Variants in CEP350 observed in about 807,000 individuals in gnomAD.
CEP350 encodes centrosome-associated protein 350.
In CEP350, 126 loss-of-function variants were observed where a neutral mutation model predicts 331.8. That is an observed-to-expected ratio of 0.38 (90% CI 0.33 to 0.44). The LOEUF is 0.44. CEP350 is among the 20% of genes least tolerant of loss of function. The pLI is 1.00. For synonymous variants in CEP350, 1,200 were observed against 1,259.5 expected, an observed-to-expected ratio of 0.95 and a Z score of 1.00; for missense variants, 3,406 against 3,634.6, an observed-to-expected ratio of 0.94 and a Z score of 1.62.
intron 4 of CEP350, among the ~76,000 whole-genome samples, chr1:179,991,667 A>ATGTGTGTGTGTGTGTGTG (rs751570955): frequency 3.3e-5 from 3 of 90,194 alleles, no homozygotes; most frequent in Non-Finnish European, 6.2e-5. Flanking sequence ...ATATATATAT[A>ATGTGTGTGTGTGTGTGTG]TGTGTGTGTG....
intron 26 of CEP350, among the ~76,000 whole-genome samples, chr1:180,064,295 C>T (rs1403557514): frequency 2.6e-5 from 4 of 152,110 alleles, no homozygotes; most frequent in Middle Eastern, 3.2e-3. Flanking sequence ...ATTGGATGCC[C>T]TCTTCATCCT....
At chr1:179,973,938 T>A (rs1239363050) in intron 1 of CEP350, among the ~76,000 whole-genome samples, 1 of 152,174 alleles carries the variant, frequency 6.6e-6, no homozygotes, top group Non-Finnish European at 1.5e-5. Flanking sequence ...CCTCTTCTGC[T>A]TCTGAGATCA....
intron 6 of CEP350, 86 bp from the exon 7 acceptor site, chr1:180,003,088 G>T: frequency 3.7e-6 from 3 of 806,330 alleles, no homozygotes; most frequent in South Asian, 1.8e-5. Context: ...TATGTATGTC[G>T]ATTATATATC....
intron 17 of CEP350, among the ~76,000 whole-genome samples, chr1:180,040,075 C>T (rs969262437): frequency 1.3e-5 from 2 of 151,504 alleles, no homozygotes; most frequent in African/African-American, 4.9e-5. Flanking sequence ...CCAAAAGACC[C>T]GTCAGACAGT....
Position 180,041,786 on chromosome 1 carries a change from C to G in CEP350, c.4346C>G (p.Ala1449Gly), listed in dbSNP as rs1207486369. Reference protein sequence around the residue: ...SETARLTTDAARQICEMAELT... With the variant: ...SETARLTTDAGRQICEMAELT... ...ACTGCTCGCCTCACCACAGACGCAGCACGTCAAATCTGTGAGGTAGGTGCC... is the reference window on the plus strand; with the variant it reads ...ACTGCTCGCCTCACCACAGACGCAGGACGTCAAATCTGTGAGGTAGGTGCC... Residue 1449 changes from alanine to glycine, a missense_variant, in exon 19 of 38, where the codon GCA becomes GGA. Around this residue, in one of 5 missense-constraint regions of CEP350, gnomAD observed 1,857 missense variants for 1,909.2 expected, o/e 0.97. Coordinates refer to ENST00000367607, the MANE Select transcript of CEP350 (RefSeq NM_014810.5). The G allele has an allele frequency of 1.2e-6, 2 of 1,612,276 alleles. No individual in the cohort carries two copies. The highest frequency in any genetic ancestry group is 4.5e-5 in the East Asian group (2 of 44,828).
Position 179,996,551 on chromosome 1 carries a change from A to G in CEP350, c.396-2A>G, listed in dbSNP as rs377416671. 3 of 1,532,828 alleles carry G rather than the reference A, an allele frequency of 2.0e-6. No homozygotes were observed. The highest frequency in any genetic ancestry group is 2.6e-6 in the Non-Finnish European group (3 of 1,134,250). The allele number at this position is 1,532,828 out of a possible 1,614,324, so 95.0% of individuals were successfully genotyped here. A position where few individuals can be genotyped will look rare whatever the true frequency, so the allele number is the denominator to read the frequency against. On this transcript the variant is annotated splice_acceptor_variant, in intron 5 of 37. Transcript: ENST00000367607. LOFTEE classifies it high-confidence loss of function. ...CACAGAGCTTATTATTTTTTATTGT[A>G]GGGAAATCCATGGTGCACCTTCCAA...
At chr1:180,017,197 G>A (rs1197282883) in intron 11 of CEP350, among the ~76,000 whole-genome samples, 1 of 152,014 alleles carries the variant, frequency 6.6e-6, no homozygotes, top group African/African-American at 2.4e-5. Context: ...ATAGAGATAG[G>A]TTTTAATTTA....
At chr1:180,105,072 C>G (rs994190969) in intron 37 of CEP350, among the ~76,000 whole-genome samples, 1 of 151,846 alleles carries the variant, frequency 6.6e-6, no homozygotes, top group African/African-American at 2.4e-5. Context: ...TTCATGAAAC[C>G]AAACTCCAGT....
intron 12 of CEP350, among the ~76,000 whole-genome samples, chr1:180,021,507 A>G (rs933448130): frequency 2.0e-5 from 3 of 152,098 alleles, no homozygotes; most frequent in African/African-American, 7.2e-5. Flanking sequence ...TACAAAAAAT[A>G]TTTAGCTGAG....
At chr1:180,072,577 T>C (rs1468359972) in intron 27 of CEP350, among the ~76,000 whole-genome samples, 2 of 152,224 alleles carry the variant, frequency 1.3e-5, no homozygotes, top group Non-Finnish European at 2.9e-5. Context: ...ACTTGAAATT[T>C]AGCAAAACTG....
chr1:180,095,621 T>A lies in CEP350; in HGVS notation c.8610T>A (p.Asp2870Glu). 6.2e-7 allele frequency: 1 copy of A among 1,613,872 alleles called. No individual in the cohort carries two copies. The highest frequency in any genetic ancestry group is 8.5e-7 in the Non-Finnish European group (1 of 1,179,864). The change falls in exon 35 of 38, where the codon GAT (aspartate) becomes GAA (glutamate). Residue 2870 changes from aspartate to glutamate, a missense_variant. Asp to Glu is a conservative substitution (Grantham distance 45). Transcript: ENST00000367607. ...AGTTCCTGAGCGCGTTAGGAGATGA[T>A]CAAGACTGGTTTGATGAAGACTTTG... ...SREFLSALGD[D>E]QDWFDEDFGL...
At chr1:180,033,430 T>C (rs1434835328) in intron 15 of CEP350, among the ~76,000 whole-genome samples, 1 of 152,164 alleles carries the variant, frequency 6.6e-6, no homozygotes, top group African/African-American at 2.4e-5. Context: ...AGTTTTTGTC[T>C]TTTCTTACCT....
chr1:180,027,064 C>T (rs1655725781), intron 14 of CEP350, among the ~76,000 whole-genome samples: 1 of 152,212 alleles, frequency 6.6e-6, no homozygotes, highest in South Asian at 2.1e-4. Context: ...ATTTTACTTT[C>T]CCACCAGCAA....
intron 5 of CEP350, among the ~76,000 whole-genome samples, chr1:179,993,822 C>T (rs900099279): frequency 2.6e-5 from 4 of 152,174 alleles, no homozygotes; most frequent in African/African-American, 9.7e-5. Flanking sequence ...CTGGTGGATT[C>T]CATTCCTCAC....
In CEP350 at chr1:180,078,557, A is replaced by G. The variant is rs763973622; in HGVS notation, c.5862A>G (p.Glu1954=). 6.2e-7 allele frequency: 1 copy of G among 1,613,656 alleles called. No homozygotes were observed. The highest frequency in any genetic ancestry group is 8.5e-7 in the Non-Finnish European group (1 of 1,179,746). ...IPEELGSPAV[E]YVPSESIGQE... is the part of the protein sequence containing the mutation. ...AAGAATTAGGCAGCCCTGCTGTTGA[A>G]TATGTACCATCCGAGTCTATAGGAC... The change falls in exon 29 of 38, where the codon GAA becomes GAG. Residue 1954 remains glutamate (E), a synonymous_variant. Coordinates refer to ENST00000367607, the MANE Select transcript of CEP350 (RefSeq NM_014810.5).
chr1:180,005,044 A>G (rs931039186), intron 7 of CEP350, among the ~76,000 whole-genome samples: 3 of 132,294 alleles, frequency 2.3e-5, no homozygotes, highest in Non-Finnish European at 4.8e-5. Flanking sequence ...TCTCTCTCCA[A>G]TCCCCCTCCC....
Position 180,020,706 on chromosome 1 carries a change from A to G in CEP350, c.2932A>G (p.Ser978Gly), listed in dbSNP as rs1341029778. The G allele has an allele frequency of 6.2e-6, 10 of 1,613,934 alleles. No individual in the cohort carries two copies. Among genetic ancestry groups the G allele is most frequent in the Non-Finnish European group, 8.5e-6 (10 of 1,179,910 alleles). ...QDKAKISLGS[S>G]IDSVSEGPLL... ...CAAAGCCAAAATATCTCTTGGTTCC[A>G]GCATAGATTCAGTCAGTGAAGGGCC... is the stretch of plus-strand genomic sequence containing the variant. The change falls in exon 12 of 38, where the codon AGC becomes GGC. Residue 978 changes from serine (S) to glycine (G), a missense_variant. Transcript: ENST00000367607.
At chr1:179,996,484 T>C in intron 5 of CEP350, 69 bp from the exon 6 acceptor site, 1 of 1,138,012 alleles carries the variant, frequency 8.8e-7, no homozygotes. Flanking sequence ...TAAAATCTAC[T>C]CTTAGCAATT....
At position 179,954,889 on chromosome 1, in the gene CEP350, A is replaced by G. The variant is rs1650048989; in HGVS notation, c.-267A>G. 2 of 523,194 alleles carry G rather than the reference A, an allele frequency of 3.8e-6. No homozygotes were observed. Among genetic ancestry groups the G allele is most frequent in the African/African-American group, 4.0e-5 (2 of 50,520 alleles). 32.4% of individuals were successfully genotyped at this position (523,194 alleles called of 1,614,324 possible). On this transcript the variant is annotated 5_prime_UTR_variant, in exon 1 of 38. Coordinates refer to ENST00000367607, the MANE Select transcript of CEP350 (RefSeq NM_014810.5). ...CGGGGAGCGGGGCCAGACCTGCGCC[A>G]GAGAGAACTGCAGGGAGCCGCAGCT...
Sources: allele counts gnomAD v4.1 joint callset (sites outside exome capture counted in the v4.1 genomes callset), GRCh38; gene constraint gnomAD v4.1.1; regional missense constraint gnomAD v4.1.1; transcripts MANE v1.5; gene names NCBI Gene and HGNC (gene_info 2026-07-23, HGNC 2026-07-21).